THRB: variants seen among roughly 807,000 people sequenced by gnomAD.
THRB encodes the protein nuclear receptor subfamily 1 group A member 2.
Under a neutral mutation model 47.8 loss-of-function variants are expected in THRB, and 12 were observed. The ratio of observed to expected loss-of-function variants is 0.25; its 90% CI spans 0.16 to 0.41. The LOEUF is 0.41. Ranked by LOEUF, THRB falls within the 10% of genes least tolerant of loss-of-function variation. The pLI is 1.00. For missense variants in THRB, 348 were observed against 589.2 expected (o/e 0.59, Z 4.24); for synonymous variants, 218 against 212.2 (o/e 1.03, Z -0.24).
At chr3:24,312,430 T>C (rs2057819540) in intron 2 of THRB, among the ~76,000 whole-genome samples, 3 of 152,212 alleles carry the variant, frequency 2.0e-5, no homozygotes, top group Admixed American at 1.3e-4. Context: ...TTATGAAGTA[T>C]ATTGTCCTGG....
At chr3:24,451,229 C>CTTTTTTTTTTTTTT (rs71057674) in intron 1 of THRB, among the ~76,000 whole-genome samples, 1 of 95,360 alleles carries the variant, frequency 1.0e-5, no homozygotes, top group Non-Finnish European at 2.0e-5. Context: ...ACTACATGTA[C>CTTTTTTTTTTTTTT]TTTTTTTTTT....
intron 8 of THRB, among the ~76,000 whole-genome samples, chr3:24,137,435 C>CA (rs2034820411): frequency 6.6e-6 from 1 of 152,134 alleles, no homozygotes. Context: ...CTGGAGGTGA[C>CA]ATGATAATAC....
chr3:24,352,304 A>C (rs1479131836), intron 1 of THRB, among the ~76,000 whole-genome samples: 1 of 152,176 alleles, frequency 6.6e-6, no homozygotes, highest in Non-Finnish European at 1.5e-5. Context: ...GCAAGCTGCC[A>C]TTCTGGCTTA....
intron 1 of THRB, among the ~76,000 whole-genome samples, chr3:24,432,122 G>C (rs185483293): frequency 1.3e-5 from 2 of 152,050 alleles, no homozygotes; most frequent in African/African-American, 4.8e-5. Context: ...TGGCTTCATG[G>C]GGGATTTATT....
At chr3:24,149,770 CAG>C (rs150234920) in intron 6 of THRB, among the ~76,000 whole-genome samples, 4,227 of 152,116 alleles carry the variant, frequency 0.028, 122 homozygotes, top group African/African-American at 0.069. Context: ...TAAAAAGTAA[CAG>C]AAATTAACTC....
chr3:24,177,308 G>A (rs904288078), intron 5 of THRB, among the ~76,000 whole-genome samples: 2 of 152,008 alleles, frequency 1.3e-5, no homozygotes, highest in East Asian at 1.9e-4. Flanking sequence ...TTTCATCATC[G>A]CTTGGTTGTC....
chr3:24,372,577 T>C (rs977685694), intron 1 of THRB, among the ~76,000 whole-genome samples: 1 of 152,094 alleles, frequency 6.6e-6, no homozygotes, highest in African/African-American at 2.4e-5. Flanking sequence ...AAGGTGGCCC[T>C]GAAGTAATCC....
chr3:24,377,709 G>T (rs1560056301), intron 1 of THRB, among the ~76,000 whole-genome samples: 1 of 152,092 alleles, frequency 6.6e-6, no homozygotes, highest in African/African-American at 2.4e-5. Flanking sequence ...GTCAACATTT[G>T]ATAGCTGAAA....
At chr3:24,476,779 G>T (rs1265194913) in intron 1 of THRB, among the ~76,000 whole-genome samples, 4 of 151,974 alleles carry the variant, frequency 2.6e-5, no homozygotes, top group Admixed American at 6.6e-5. Context: ...GATAGAGTAT[G>T]GTTTTCTAAA....
chr3:24,339,125 CTATATA>C (rs1371318040), intron 1 of THRB, among the ~76,000 whole-genome samples: 1 of 151,696 alleles, frequency 6.6e-6, no homozygotes, highest in South Asian at 2.1e-4. Context: ...AAATACAAAA[CTATATA>C]TATATAGATA....
rs1211651816 is a variant in THRB, at chr3:24,120,460, A to C, written c.*2424T>G. Reference sequence around the variant, plus strand: ...GAGATCAGGCTCTGAACTTATATTCAAATCTGGGTGTCTGATGTACTGAGG... The same window carrying C: ...GAGATCAGGCTCTGAACTTATATTCCAATCTGGGTGTCTGATGTACTGAGG... On this transcript the variant is annotated 3_prime_UTR_variant, in exon 11 of 11. Transcript: ENST00000646209. The C allele has an allele frequency of 5.9e-5, 9 of 152,242 alleles. No individual in the cohort carries two copies. Among genetic ancestry groups the C allele is most frequent in the Admixed American group, 5.9e-4 (9 of 15,288 alleles). 9.4% of individuals were successfully genotyped at this position (152,242 alleles called of 1,614,324 possible).
chr3:24,251,008 T>C (rs1444388501), intron 3 of THRB, among the ~76,000 whole-genome samples: 4 of 151,498 alleles, frequency 2.6e-5, no homozygotes, highest in Non-Finnish European at 5.9e-5. Flanking sequence ...ATACTTAACT[T>C]AGAAACTAAA....
At chr3:24,281,297 A>G (rs1373343999) in intron 3 of THRB, among the ~76,000 whole-genome samples, 4 of 151,860 alleles carry the variant, frequency 2.6e-5, no homozygotes, top group African/African-American at 9.6e-5. Flanking sequence ...ATTCTTAAAG[A>G]AAAGAATTTT....
intron 3 of THRB, among the ~76,000 whole-genome samples, chr3:24,264,123 T>C (rs774923237): frequency 1.3e-5 from 2 of 152,196 alleles, no homozygotes; most frequent in African/African-American, 4.8e-5. Context: ...CCATTCCCCC[T>C]GATTGCATCT....
chr3:24,293,893 A>C (rs1045660414), intron 3 of THRB, among the ~76,000 whole-genome samples: 5 of 152,192 alleles, frequency 3.3e-5, no homozygotes, highest in African/African-American at 1.2e-4. Flanking sequence ...TTTCCTTCAG[A>C]GTCTGAAAAT....
intron 1 of THRB, among the ~76,000 whole-genome samples, chr3:24,406,423 T>C (rs953186660): frequency 3.3e-5 from 5 of 151,790 alleles, no homozygotes; most frequent in Admixed American, 6.6e-5. Flanking sequence ...ATAGCATCTA[T>C]TGTAACAGCA....
intron 1 of THRB, among the ~76,000 whole-genome samples, chr3:24,410,848 AT>A (rs1169726727): frequency 6.6e-6 from 1 of 151,858 alleles, no homozygotes; most frequent in African/African-American, 2.4e-5. Flanking sequence ...CTTTGCCTGA[AT>A]GATCTATGTT....
At chr3:24,188,973 C>G (rs1312240954) in intron 5 of THRB, among the ~76,000 whole-genome samples, 2 of 150,284 alleles carry the variant, frequency 1.3e-5, no homozygotes, top group Non-Finnish European at 2.9e-5. Flanking sequence ...CACTATTTCA[C>G]TATTACTTTT....
intron 4 of THRB, among the ~76,000 whole-genome samples, chr3:24,211,737 T>C (rs826253): frequency 0.18 from 27,468 of 152,172 alleles, 2,928 homozygotes; most frequent in East Asian, 0.38. Context: ...TAAGCCACAC[T>C]GGAGTGACTT....
Sources: gnomAD v4.1 joint callset for allele counts (sites outside exome capture counted in the v4.1 genomes callset) on GRCh38, gnomAD v4.1.1 for gene constraint, MANE v1.5 for transcripts, NCBI Gene and HGNC (gene_info 2026-07-23, HGNC 2026-07-21) for gene names.